ROBO2: variants seen among roughly 807,000 people sequenced by gnomAD.
ROBO2 encodes roundabout homolog 2.
A neutral mutation model predicts 160.8 loss-of-function variants in ROBO2; 53 were observed. That is an observed-to-expected ratio of 0.33 (90% CI 0.26 to 0.41). The LOEUF (loss-of-function observed/expected upper bound fraction) is 0.41. Among genes scored for constraint, ROBO2 ranks in the 10% least tolerant of loss-of-function variants. ROBO2 has a pLI of 1.00. For missense variants in ROBO2, 1,577 were observed against 1,722.4 expected, an observed-to-expected ratio of 0.92 and a Z score of 1.49; for synonymous variants, 664 against 611.7, an observed-to-expected ratio of 1.09 and a Z score of -1.26.
intron 2 of ROBO2, among the ~76,000 whole-genome samples, chr3:76,490,632 T>C (rs1457577536): frequency 6.6e-6 from 1 of 152,128 alleles, no homozygotes; most frequent in East Asian, 1.9e-4. Flanking sequence ...AAATTGTTCA[T>C]GGAAAAAGGA....
chr3:77,215,028 C>T (rs2084735001), intron 2 of ROBO2, among the ~76,000 whole-genome samples: 1 of 152,086 alleles, frequency 6.6e-6, no homozygotes, highest in Admixed American at 6.5e-5. Flanking sequence ...TCCTTCATTT[C>T]AACTTTGGTG....
At chr3:76,750,423 C>A (rs1244280567) in intron 2 of ROBO2, among the ~76,000 whole-genome samples, 1 of 152,064 alleles carries the variant, frequency 6.6e-6, no homozygotes, top group Non-Finnish European at 1.5e-5. Context: ...TCCTATTCAA[C>A]ATAGTGTTGG....
intron 19 of ROBO2, 110 bp from the exon 21 acceptor site, chr3:77,602,100 G>T (rs1583215219): frequency 9.0e-7 from 1 of 1,113,394 alleles, no homozygotes; most frequent in Non-Finnish European, 1.4e-6. Context: ...GCCCATCTCA[G>T]CTGAAATGCA....
intron 2 of ROBO2, among the ~76,000 whole-genome samples, chr3:76,948,874 TTATA>T (rs71104642): frequency 1.2e-3 from 56 of 48,604 alleles, no homozygotes; most frequent in Middle Eastern, 0.017. Flanking sequence ...CCGGCTAATT[TTATA>T]TATATATATA....
At chr3:75,923,729 G>A (rs1236061449) in intron 1 of ROBO2, among the ~76,000 whole-genome samples, 1 of 152,160 alleles carries the variant, frequency 6.6e-6, no homozygotes, top group African/African-American at 2.4e-5. Flanking sequence ...TAAAAAATAG[G>A]ACTTAATATA....
chr3:76,441,656 A>T (rs1412260635), intron 2 of ROBO2, among the ~76,000 whole-genome samples: 1 of 152,150 alleles, frequency 6.6e-6, no homozygotes, highest in African/African-American at 2.4e-5. Flanking sequence ...GTGAGTGTGT[A>T]TCCTCCCAGA....
chr3:76,864,448 C>A (rs540498601), intron 2 of ROBO2, among the ~76,000 whole-genome samples: 39 of 151,870 alleles, frequency 2.6e-4, no homozygotes, highest in African/African-American at 9.2e-4. Context: ...CATGAGAATC[C>A]CATCGTTTCT....
chr3:77,430,975 C>A (rs73099873), intron 2 of ROBO2, among the ~76,000 whole-genome samples: 11,972 of 152,182 alleles, frequency 0.079, 560 homozygotes, highest in African/African-American at 0.11. Flanking sequence ...TCTGCTTATT[C>A]TTTTCCCAGT....
intron 2 of ROBO2, among the ~76,000 whole-genome samples, chr3:76,351,271 C>T (rs2074857240): frequency 6.6e-6 from 1 of 151,830 alleles, no homozygotes; most frequent in African/African-American, 2.4e-5. Context: ...TATTAAAAAG[C>T]ACAATACTAA....
chr3:76,529,834 T>C (rs545833604), intron 2 of ROBO2, among the ~76,000 whole-genome samples: 3 of 152,132 alleles, frequency 2.0e-5, no homozygotes, highest in Non-Finnish European at 4.4e-5. Context: ...ATAGGGAAGA[T>C]TGACTTAGTA....
intron 2 of ROBO2, among the ~76,000 whole-genome samples, chr3:76,952,345 C>T (rs556828247): frequency 6.6e-6 from 1 of 152,026 alleles, no homozygotes; most frequent in South Asian, 2.1e-4. Flanking sequence ...TGCAATGGCA[C>T]GATCTTGGCT....
At chr3:77,610,741 CAAAAAAAAAAAAA>C (rs71629658) in intron 21 of ROBO2, among the ~76,000 whole-genome samples, 4 of 19,826 alleles carry the variant, frequency 2.0e-4, no homozygotes, top group Admixed American at 1.0e-3. Flanking sequence ...GGCCAAAGAC[CAAAAAAAAAAAAA>C]AAAAAAAAAA....
intron 2 of ROBO2, among the ~76,000 whole-genome samples, chr3:76,234,271 CAT>C (rs1704800588): frequency 6.6e-6 from 1 of 152,078 alleles, no homozygotes; most frequent in African/African-American, 2.4e-5. Flanking sequence ...CAGCAATGAA[CAT>C]ATGTCTTTAT....
chr3:76,680,730 T>G (rs2092539222), intron 2 of ROBO2, among the ~76,000 whole-genome samples: 1 of 152,244 alleles, frequency 6.6e-6, no homozygotes, highest in African/African-American at 2.4e-5. Context: ...AAAATTATGA[T>G]GACCTTATCA....
chr3:77,025,406 G>T (rs538980016), intron 2 of ROBO2, among the ~76,000 whole-genome samples: 2 of 152,284 alleles, frequency 1.3e-5, no homozygotes, highest in Non-Finnish European at 2.9e-5. Flanking sequence ...AAGCTTTCCA[G>T]TTCCCTTGGT....
chr3:76,992,526 CT>C (rs754016723), intron 2 of ROBO2, among the ~76,000 whole-genome samples: 2 of 151,810 alleles, frequency 1.3e-5, no homozygotes, highest in Admixed American at 6.6e-5. Context: ...ATCGCACATT[CT>C]GAGTTCTCAC....
chr3:77,134,307 T>A lies in ROBO2; in HGVS notation c.388+35967T>A, dbSNP rs146604122. Among the ~76,000 whole-genome samples, 20 of 152,332 alleles carry A rather than the reference T, an allele frequency of 1.3e-4. No individual in the cohort carries two copies. The East Asian group carries it at 3.9e-3, about 29-fold the overall frequency. On this transcript the variant is annotated intron_variant, in intron 2 of 25. Transcript: ENST00000461745. ...GGTAAGCTTTTAAAAACCGAAAGAA[T>A]TAAAAAATATACCACACATTTGACT...
At chr3:75,934,625 T>C (rs1162752458) in intron 1 of ROBO2, among the ~76,000 whole-genome samples, 3 of 152,222 alleles carry the variant, frequency 2.0e-5, no homozygotes, top group Admixed American at 6.5e-5. Context: ...TACATCATAG[T>C]AACTTGGCAT....
rs568511640 is a variant in ROBO2 at position 76,704,471 on chromosome 3, T to C, written c.110-393543T>C. Among the ~76,000 whole-genome samples the C allele has an allele frequency of 3.3e-5, 5 of 152,278 alleles. No homozygotes were observed. In the South Asian group the frequency reaches 1.0e-3, roughly 32 times the overall value. On this transcript the variant is annotated intron_variant, in intron 2 of 26. Coordinates refer to the ROBO2 transcript ENST00000487694. ...AACATAAATACCCAACTACTGTCTA[T>C]GTATGAACTGAATGATAGATGTACA...
Sources: allele counts gnomAD v4.1 joint callset (sites outside exome capture counted in the v4.1 genomes callset), GRCh38; gene constraint gnomAD v4.1.1; transcripts MANE v1.5; gene names NCBI Gene and HGNC (gene_info 2026-07-23, HGNC 2026-07-21).